ABTB2: variants seen among roughly 807,000 people sequenced by gnomAD.
ABTB2 encodes ankyrin repeat and BTB/POZ domain-containing protein 2.
A neutral mutation model predicts 104.1 loss-of-function variants in ABTB2; 56 were observed. That is an observed-to-expected ratio of 0.54 (90% confidence interval 0.43 to 0.67). ABTB2 has a LOEUF of 0.67. Ranked by LOEUF, ABTB2 falls within the 30% of genes least tolerant of loss-of-function variation. The probability of loss-of-function intolerance (pLI) is 0.00; values close to 1 mark genes in which losing one functional copy is unlikely to be tolerated. For missense variants in ABTB2, 1,279 were observed against 1,407.7 expected (o/e 0.91, Z 1.46); for synonymous variants, 606 against 608.2 (o/e 1.00, Z 0.05).
In ABTB2 at chr11:34,357,003, C is replaced by A. The variant is rs1191095110; in HGVS notation, c.581G>T (p.Arg194Leu). Residue 194 changes from arginine to leucine, a missense_variant, in exon 1 of 17, where the codon CGC becomes CTC. Arg to Leu is a moderately radical substitution (Grantham distance 102). Transcript: ENST00000435224. ...LYSMSAGDGL[R>L]RGKSARCGLT... is the part of the protein sequence containing the mutation. Reference sequence around the variant, plus strand: ...GCCGCAGCGCGCGGACTTGCCCCGGCGCAGCCCGTCGCCGGCGCTCATGCT... The same window carrying A: ...GCCGCAGCGCGCGGACTTGCCCCGGAGCAGCCCGTCGCCGGCGCTCATGCT... The A allele has an allele frequency of 1.1e-5, 17 of 1,575,180 alleles. No individual in the cohort carries two copies. Among genetic ancestry groups the A allele is most frequent in the Non-Finnish European group, 1.4e-5 (16 of 1,163,182 alleles).
At chr11:34,274,510 C>A (rs1324436999) in intron 1 of ABTB2, among the ~76,000 whole-genome samples, 2 of 151,688 alleles carry the variant, frequency 1.3e-5, no homozygotes, top group Non-Finnish European at 2.9e-5. Context: ...CTGGTTATAG[C>A]CGTTTTAATA....
At position 34,205,662 on chromosome 11, in the gene ABTB2, T is replaced by C. The variant is rs1853400680; in HGVS notation, c.884-972A>G. ...AGGAATTTAATCACTTTGGAGAAAA[T>C]CTCTGAAAATTCCTAGAGATAACTG... On this transcript the variant is annotated intron_variant, in intron 1 of 16. Transcript: ENST00000435224. Among the ~76,000 whole-genome samples the C allele has an allele frequency of 3.3e-5, 5 of 151,754 alleles. No homozygotes were observed. In the South Asian group the frequency reaches 1.0e-3, roughly 32 times the overall value.
chr11:34,164,638 T>G (rs780834665), intron 9 of ABTB2, 48 bp downstream of exon 9: 1 of 1,423,354 alleles, frequency 7.0e-7, no homozygotes, highest in South Asian at 1.6e-5. Context: ...CCTGTGAGCT[T>G]AGTTCAGTGC....
chr11:34,345,806 C>G (rs1481125120), intron 1 of ABTB2, among the ~76,000 whole-genome samples: 1 of 152,222 alleles, frequency 6.6e-6, no homozygotes, highest in Non-Finnish European at 1.5e-5. Flanking sequence ...AATTACCCGG[C>G]TGCTGAGATG....
intron 1 of ABTB2, among the ~76,000 whole-genome samples, chr11:34,310,632 C>G (rs1158732665): frequency 6.6e-6 from 1 of 152,184 alleles, no homozygotes; most frequent in Admixed American, 6.5e-5. Context: ...CAGGGCCCCT[C>G]ACACATGCTG....
chr11:34,153,115 TGAGAGGCCAG>T (rs1165484560), intron 16 of ABTB2, among the ~76,000 whole-genome samples: 3 of 152,052 alleles, frequency 2.0e-5, no homozygotes, highest in African/African-American at 7.2e-5. Context: ...GGATGGCTTG[TGAGAGGCCAG>T]GGGAGGCCTG....
chr11:34,165,375 A>G lies in ABTB2; in HGVS notation c.1756-19T>C. The G allele has an allele frequency of 6.4e-7, 1 of 1,574,138 alleles. No homozygotes were observed. The highest frequency in any genetic ancestry group is 1.7e-4 in the Middle Eastern group (1 of 6,016). On this transcript the variant is annotated intron_variant, in intron 7 of 16. Coordinates refer to ENST00000435224, the MANE Select transcript of ABTB2 (RefSeq NM_145804.3). ...GCAGCAACTGCCAGGGGCACAGAGG[A>G]GGAGGGCACTGCTCAGCGTGGCAGG... is the stretch of plus-strand genomic sequence containing the variant.
intron 1 of ABTB2, among the ~76,000 whole-genome samples, chr11:34,293,747 T>TG (rs1164364786): frequency 6.6e-6 from 1 of 151,856 alleles, no homozygotes; most frequent in Non-Finnish European, 1.5e-5. Flanking sequence ...TTCCTCAAGA[T>TG]GGAGTCTTCC....
At chr11:34,198,672 CTG>C (rs1393872528) in intron 2 of ABTB2, among the ~76,000 whole-genome samples, 1 of 152,174 alleles carries the variant, frequency 6.6e-6, no homozygotes, top group Non-Finnish European at 1.5e-5. Flanking sequence ...CTGCTGGAGT[CTG>C]TGGGATCCTT....
intron 1 of ABTB2, among the ~76,000 whole-genome samples, chr11:34,266,861 G>C (rs1854257537): frequency 6.6e-6 from 1 of 152,080 alleles, no homozygotes; most frequent in African/African-American, 2.4e-5. Context: ...GAGAGATGGG[G>C]GCCAGTGGGT....
intron 1 of ABTB2, among the ~76,000 whole-genome samples, chr11:34,288,228 C>T (rs1328091090): frequency 1.3e-5 from 2 of 152,174 alleles, no homozygotes; most frequent in South Asian, 2.1e-4. Context: ...ACAGTGAACA[C>T]CTTTATAACC....
intron 16 of ABTB2, among the ~76,000 whole-genome samples, chr11:34,153,001 T>C (rs1326190951): frequency 2.0e-5 from 3 of 152,198 alleles, no homozygotes; most frequent in Non-Finnish European, 4.4e-5. Flanking sequence ...TCAAGATCTC[T>C]GCAGTGCTGC....
In ABTB2 at chr11:34,255,559, C is replaced by G. The variant is rs544516015; in HGVS notation, c.884-50869G>C. Among the ~76,000 whole-genome samples, 19 of 151,998 alleles carry G rather than the reference C, an allele frequency of 1.3e-4. No individual in the cohort carries two copies. The South Asian group carries it at 3.7e-3, about 30-fold the overall frequency. On this transcript the variant is annotated intron_variant, in intron 1 of 16. Transcript: ENST00000435224. ...GCAGGCTGGAGTGTAGTGGCACAAT[C>G]TCAGTTCACTGCAACCTCAAGCGAT...
intron 1 of ABTB2, among the ~76,000 whole-genome samples, chr11:34,277,127 C>T (rs979476854): frequency 6.6e-6 from 1 of 152,178 alleles, no homozygotes; most frequent in African/African-American, 2.4e-5. Flanking sequence ...GTCTCGAACT[C>T]CTGACCTCAG....
At chr11:34,191,380 C>T (rs1450465129) in intron 3 of ABTB2, among the ~76,000 whole-genome samples, 1 of 152,216 alleles carries the variant, frequency 6.6e-6, no homozygotes, top group Non-Finnish European at 1.5e-5. Flanking sequence ...TGATACGGAA[C>T]AGGGAAGCCA....
chr11:34,245,428 A>G (rs1722933552), intron 1 of ABTB2, among the ~76,000 whole-genome samples: 1 of 152,206 alleles, frequency 6.6e-6, no homozygotes, highest in Non-Finnish European at 1.5e-5. Flanking sequence ...CTTTCTATGG[A>G]AGCCGACTGC....
chr11:34,154,210 C>G lies in ABTB2; in HGVS notation c.2880+55G>C. The G allele has an allele frequency of 7.1e-7, 1 of 1,413,596 alleles. No individual in the cohort carries two copies. The allele number at this position is 1,413,596 out of a possible 1,614,324, so 87.6% of individuals were successfully genotyped here. On this transcript the variant is annotated intron_variant, in intron 16 of 16. Transcript: ENST00000435224. This position sits in a 1 kb window ranked among gnomAD's most constrained non-coding sequence, Gnocchi z 4.9. ...CCAGTGCAGCCACACGGCCGAGGCC[C>G]CCGTGGAGCAGAGCATGTGGTGGGA...
At chr11:34,334,486 C>T (rs1391317654) in intron 1 of ABTB2, among the ~76,000 whole-genome samples, 1 of 152,174 alleles carries the variant, frequency 6.6e-6, no homozygotes, top group Non-Finnish European at 1.5e-5. Context: ...TGAGAACCCA[C>T]TAATTTTTTA....
At chr11:34,335,152 G>C in intron 1 of ABTB2, 1 of 1,240,606 alleles carries the variant, frequency 8.1e-7, no homozygotes. Context: ...TGGCTGTCTG[G>C]TGTTGCATTA....
Sources: gnomAD v4.1 joint callset for allele counts (sites outside exome capture counted in the v4.1 genomes callset) on GRCh38, gnomAD v4.1.1 for gene constraint, Gnocchi (gnomAD v3.1) non-coding constraint, MANE v1.5 for transcripts, NCBI Gene and HGNC (gene_info 2026-07-23, HGNC 2026-07-21) for gene names.